UGGT1: variants seen among roughly 807,000 people sequenced by gnomAD.
The protein encoded by UGGT1 is UDP-glucose:glycoprotein glucosyltransferase 1.
A neutral mutation model predicts 203.9 loss-of-function variants in UGGT1; 107 were observed. That is an observed-to-expected ratio of 0.52 (90% CI 0.45 to 0.62). UGGT1 has a LOEUF of 0.62. UGGT1 is among the 20% of genes least tolerant of loss of function. The pLI, the probability that UGGT1 is intolerant of heterozygous loss-of-function variation, is 0.00. For synonymous variants in UGGT1, 628 were observed against 653.5 expected, an observed-to-expected ratio of 0.96 and a Z score of 0.59; for missense variants, 1,673 against 1,867.2, an observed-to-expected ratio of 0.90 and a Z score of 1.92.
At chr2:128,174,907 G>C in intron 31 of UGGT1, 49 bp downstream of exon 31, 1 of 1,520,226 alleles carries the variant, frequency 6.6e-7, no homozygotes, top group South Asian at 1.2e-5. Flanking sequence ...TTAGAAATGA[G>C]CATTAGCTCT....
intron 1 of UGGT1, 44 bp from the exon 2 acceptor site, chr2:128,097,385 A>G: frequency 6.3e-7 from 1 of 1,584,496 alleles, no homozygotes; most frequent in Non-Finnish European, 8.5e-7. Context: ...AAAAAAAAAA[A>G]AAATTTCCTT....
At chr2:128,176,337 CGGAGGT>C (rs998393905) in intron 31 of UGGT1, among the ~76,000 whole-genome samples, 1 of 145,040 alleles carries the variant, frequency 6.9e-6, no homozygotes, top group Non-Finnish European at 1.5e-5. Flanking sequence ...ACTTGAACCC[CGGAGGT>C]GGAGGTTGCA....
intron 30 of UGGT1, 85 bp from the exon 31 acceptor site, chr2:128,174,688 A>C (rs1691286291): frequency 7.1e-6 from 8 of 1,132,704 alleles, no homozygotes; most frequent in Middle Eastern, 2.0e-4. Context: ...GTTGATTGAT[A>C]TTTCAGAAAT....
At chr2:128,171,752 T>C (rs1480093283) in intron 28 of UGGT1, among the ~76,000 whole-genome samples, 1 of 152,106 alleles carries the variant, frequency 6.6e-6, no homozygotes, top group Non-Finnish European at 1.5e-5. Context: ...AAGTGATCCG[T>C]CTGCCTCACT....
At chr2:128,116,215 T>C in intron 7 of UGGT1, 50 bp from the exon 8 acceptor site, 3 of 1,288,684 alleles carry the variant, frequency 2.3e-6, no homozygotes, top group Non-Finnish European at 3.3e-6. Context: ...AACGTTTTTG[T>C]TTCAAATCTG....
At chr2:128,111,183 T>C (rs1004214300) in intron 5 of UGGT1, among the ~76,000 whole-genome samples, 2 of 152,058 alleles carry the variant, frequency 1.3e-5, no homozygotes, top group African/African-American at 4.8e-5. Context: ...TGAGACCCAG[T>C]TTCTCCAAAA....
Position 128,116,353 on chromosome 2 carries a change from T to G in UGGT1, c.872+10T>G, listed in dbSNP as rs1330778178. ...TCTTTGGAAAATTAAGGTATGTATGTTCTGTGTATTTTGGGAAACGCCCTC... is the reference window on the plus strand; with the variant it reads ...TCTTTGGAAAATTAAGGTATGTATGGTCTGTGTATTTTGGGAAACGCCCTC... On this transcript the variant is annotated intron_variant, in intron 8 of 40. Coordinates refer to ENST00000259253, the MANE Select transcript of UGGT1 (RefSeq NM_020120.4). 1.9e-6 allele frequency: 3 copies of G among 1,576,546 alleles called. No homozygotes were observed. In the Admixed American group the frequency reaches 5.1e-5, roughly 27 times the overall value.
chr2:128,146,305 T>A (rs1028583743), intron 18 of UGGT1, among the ~76,000 whole-genome samples: 1 of 152,098 alleles, frequency 6.6e-6, no homozygotes, highest in African/African-American at 2.4e-5. Context: ...AGTGAGACCC[T>A]GTCCCGTTAA....
At chr2:128,131,320 G>A (rs928120503) in intron 13 of UGGT1, among the ~76,000 whole-genome samples, 5 of 151,992 alleles carry the variant, frequency 3.3e-5, no homozygotes, top group East Asian at 3.9e-4. Context: ...TTGGGAGGCC[G>A]TGGTGGGCGG....
chr2:128,154,619 T>TA (rs1690139424), intron 19 of UGGT1, among the ~76,000 whole-genome samples: 1 of 152,220 alleles, frequency 6.6e-6, no homozygotes, highest in African/African-American at 2.4e-5. Context: ...CCCCACGTGA[T>TA]ATCATGGACC....
rs1254324939 is a variant in UGGT1, at chr2:128,126,859, T to G, written c.1135-502T>G. 2.6e-5 allele frequency among the ~76,000 whole-genome samples: 4 copies of G among 151,964 alleles called. No individual in the cohort carries two copies. In the East Asian group the frequency reaches 7.7e-4, roughly 29 times the overall value. On this transcript the variant is annotated intron_variant, in intron 11 of 40. Coordinates refer to ENST00000259253, the MANE Select transcript of UGGT1 (RefSeq NM_020120.4). ...CACCATAGCTGGTTAATTTTTGTAT[T>G]TTTAATAGAGACGGGGTTTTGCCAC...
chr2:128,150,500 C>G (rs968213453), intron 18 of UGGT1, among the ~76,000 whole-genome samples: 14 of 152,046 alleles, frequency 9.2e-5, no homozygotes, highest in Admixed American at 8.5e-4. Context: ...TGAAGAGAAA[C>G]TTTTAGCCAT....
chr2:128,153,113 A>G (rs1429573414), intron 19 of UGGT1, among the ~76,000 whole-genome samples: 1 of 122,606 alleles, frequency 8.2e-6, no homozygotes, highest in African/African-American at 3.0e-5. Flanking sequence ...AAAGAAGAAA[A>G]CATCTTCTGG....
chr2:128,120,022 C>T (rs1399304420), intron 8 of UGGT1, among the ~76,000 whole-genome samples: 1 of 151,948 alleles, frequency 6.6e-6, no homozygotes, highest in African/African-American at 2.4e-5. Flanking sequence ...AGTGATCCTC[C>T]TGCCTTGGCC....
In UGGT1 at chr2:128,176,837, C is replaced by T. The variant is rs147951041; in HGVS notation, c.3563C>T (p.Pro1188Leu). ...IYSHDGTDSP[P>L]DADEVVIVLN... ...AGCCACGATGGCACTGATTCTCCCC[C>T]TGATGCTGATGAGGTGGTTATCGTC... The change falls in exon 32 of 41, where the codon CCT (proline) becomes CTT (leucine). Residue 1188 changes from proline to leucine, a missense_variant. By Grantham distance (98) the Pro-to-Leu change is moderately conservative. This residue lies in a region of UGGT1 where 513 missense variants were observed against 684.1 expected (regional missense o/e 0.75). Transcript: ENST00000259253. 2,430 of 1,614,106 alleles carry T rather than the reference C, an allele frequency of 1.5e-3. 16 individuals are homozygous for T. The highest frequency in any genetic ancestry group is 0.014 in the African/African-American group (1,053 of 75,030).
intron 23 of UGGT1, 88 bp from the exon 24 acceptor site, chr2:128,160,372 A>C (rs1395638705): frequency 2.2e-6 from 3 of 1,393,424 alleles, no homozygotes; most frequent in East Asian, 5.1e-5. Flanking sequence ...CAGGGAAAGA[A>C]ATTTTTATGG....
At chr2:128,156,286 A>G in intron 20 of UGGT1, 106 bp from the exon 21 acceptor site, 3 of 841,370 alleles carry the variant, frequency 3.6e-6, no homozygotes, top group Non-Finnish European at 6.0e-6. Flanking sequence ...CAGCAGGAAG[A>G]ACCATAGACC....
chr2:128,172,539 G>A lies in UGGT1; in HGVS notation c.3105-34G>A, dbSNP rs779389678. 2.1e-5 allele frequency: 34 copies of A among 1,609,998 alleles called. No individual in the cohort carries two copies. In the East Asian group the frequency reaches 6.0e-4, roughly 29 times the overall value. On this transcript the variant is annotated intron_variant, in intron 28 of 40. Transcript: ENST00000259253. ...TGCACTCAAGTCCTGTTGTCACATC[G>A]AAAATTATCTAACACTTTCCTTTTC...
chr2:128,108,405 A>C (rs1440787023), intron 4 of UGGT1, among the ~76,000 whole-genome samples: 3 of 152,220 alleles, frequency 2.0e-5, no homozygotes, highest in Non-Finnish European at 4.4e-5. Flanking sequence ...ACAGGAGGCA[A>C]GAAATGTTTA....
Sources: allele counts gnomAD v4.1 joint callset (sites outside exome capture counted in the v4.1 genomes callset), GRCh38; gene constraint gnomAD v4.1.1; regional missense constraint gnomAD v4.1.1; transcripts MANE v1.5; gene names NCBI Gene and HGNC (gene_info 2026-07-23, HGNC 2026-07-21).